Variants in PLCB1 observed in about 807,000 individuals in gnomAD.
PLCB1 encodes phospholipase C beta 1.
A neutral mutation model predicts 161.8 loss-of-function variants in PLCB1; 46 were observed. That is an observed-to-expected ratio of 0.28 (90% CI 0.22 to 0.36). The LOEUF (loss-of-function observed/expected upper bound fraction) is 0.36, where lower values mean the gene tolerates loss of function less well. PLCB1 is among the 10% of genes least tolerant of loss of function. The pLI is 1.00. For synonymous variants in PLCB1, 517 were observed against 503.7 expected (o/e 1.03, Z -0.35); for missense variants, 1,016 against 1,472.5 (o/e 0.69, Z 5.07).
At chr20:8,828,686 A>G (rs2143270) in intron 31 of PLCB1, among the ~76,000 whole-genome samples, 43,979 of 152,122 alleles carry the variant, frequency 0.29, 6,527 homozygotes, top group Middle Eastern at 0.41. Flanking sequence ...GTGTCATGAC[A>G]AAGCACTCTA....
In PLCB1 at chr20:8,744,660, A is replaced by AAAATAAAATAAAATAAAAT. The variant is rs1568582262; in HGVS notation, c.2523+3089_2523+3090insATAAAATAAAATAAAATAA. ...TAAAATAAAATAAAATAAAATAAAA[A>AAAATAAAATAAAATAAAAT]AATAAAATTGTTTGTAAATATTTCC... On this transcript the variant is annotated intron_variant, in intron 23 of 31. Transcript: ENST00000338037. Among the ~76,000 whole-genome samples, 823 of 126,228 alleles carry AAAATAAAATAAAATAAAAT rather than the reference A, an allele frequency of 6.5e-3. 12 individuals carry two copies. The highest frequency in any genetic ancestry group is 0.021 in the African/African-American group (759 of 36,036). The allele number at this position is 126,228 out of a possible 152,430, so 82.8% of individuals were successfully genotyped here.
chr20:8,805,691 T>G (rs748702674), intron 31 of PLCB1, among the ~76,000 whole-genome samples: 1 of 152,226 alleles, frequency 6.6e-6, no homozygotes, highest in Non-Finnish European at 1.5e-5. Flanking sequence ...TCAAAAAGGT[T>G]AATGAACTTT....
At chr20:8,539,456 A>G (rs1985184529) in intron 3 of PLCB1, among the ~76,000 whole-genome samples, 1 of 152,176 alleles carries the variant, frequency 6.6e-6, no homozygotes, top group East Asian at 1.9e-4. Context: ...TTCTATGTGT[A>G]ATCATGATTC....
At chr20:8,832,557 T>A (rs1986064010) in intron 31 of PLCB1, among the ~76,000 whole-genome samples, 1 of 152,186 alleles carries the variant, frequency 6.6e-6, no homozygotes, top group African/African-American at 2.4e-5. Context: ...GATAACATTT[T>A]AAAAATTTGA....
Position 8,821,544 on chromosome 20 carries a change from TA to T in PLCB1, c.3423+31284del, listed in dbSNP as rs1985413721. On this transcript the variant is annotated intron_variant, in intron 31 of 31. Transcript: ENST00000338037. ...ATATATATATATATATATATATATA[TA>T]TATATATATATATTTAAATGACACT... Among the ~76,000 whole-genome samples the T allele has an allele frequency of 9.8e-5, 9 of 91,700 alleles. 1 individual carries two copies. Among genetic ancestry groups the T allele is most frequent in the Non-Finnish European group, 2.0e-4 (9 of 45,956 alleles). The allele number at this position is 91,700 out of a possible 152,430, so 60.2% of individuals were successfully genotyped here.
intron 3 of PLCB1, among the ~76,000 whole-genome samples, chr20:8,589,658 C>T (rs1987093150): frequency 6.9e-6 from 1 of 145,394 alleles, no homozygotes; most frequent in African/African-American, 2.6e-5. Context: ...GCTCTGTCAC[C>T]CAGACTGGAG....
intron 3 of PLCB1, among the ~76,000 whole-genome samples, chr20:8,512,304 T>A (rs1203704115): frequency 1.3e-5 from 2 of 152,170 alleles, no homozygotes; most frequent in Non-Finnish European, 2.9e-5. Context: ...ATACCAAAAC[T>A]CGGGATTTAG....
intron 26 of PLCB1, among the ~76,000 whole-genome samples, chr20:8,769,281 T>C (rs970817620): frequency 6.6e-6 from 1 of 152,118 alleles, no homozygotes; most frequent in Non-Finnish European, 1.5e-5. Flanking sequence ...TAACATTTTA[T>C]TTTTAAAATA....
intron 2 of PLCB1, among the ~76,000 whole-genome samples, chr20:8,347,961 G>A (rs570901121): frequency 1.3e-5 from 2 of 151,004 alleles, no homozygotes; most frequent in South Asian, 4.2e-4. Context: ...GACAGAGCGA[G>A]ACTCCATCTC....
chr20:8,387,161 G>T (rs1449203452), intron 3 of PLCB1, among the ~76,000 whole-genome samples: 1 of 152,136 alleles, frequency 6.6e-6, no homozygotes, highest in Non-Finnish European at 1.5e-5. Context: ...TTCACAACTG[G>T]GCGGCTGACT....
intron 27 of PLCB1, among the ~76,000 whole-genome samples, chr20:8,786,523 A>G (rs1010852115): frequency 6.6e-6 from 1 of 151,986 alleles, no homozygotes; most frequent in Non-Finnish European, 1.5e-5. Context: ...AAGCCATGGA[A>G]CCTTATTTGT....
At chr20:8,674,000 CA>C (rs1375046180) in intron 9 of PLCB1, among the ~76,000 whole-genome samples, 15 of 152,106 alleles carry the variant, frequency 9.9e-5, no homozygotes, top group African/African-American at 3.4e-4. Context: ...CCCCCGGAAG[CA>C]GTCCTCAAAC....
intron 31 of PLCB1, among the ~76,000 whole-genome samples, chr20:8,826,018 G>C (rs574230468): frequency 6.6e-6 from 1 of 152,168 alleles, no homozygotes; most frequent in Non-Finnish European, 1.5e-5. Context: ...GAATGAGGGG[G>C]AGGGAGCCAT....
At chr20:8,604,501 A>G (rs1257538469) in intron 3 of PLCB1, among the ~76,000 whole-genome samples, 1 of 152,130 alleles carries the variant, frequency 6.6e-6, no homozygotes, top group Non-Finnish European at 1.5e-5. Flanking sequence ...CCAAGTAAAC[A>G]TATAAAACAG....
chr20:8,765,558 A>G (rs1982274065), intron 26 of PLCB1, among the ~76,000 whole-genome samples, 200 bp downstream of exon 26: 1 of 152,202 alleles, frequency 6.6e-6, no homozygotes, highest in African/African-American at 2.4e-5. Context: ...TCTGAGAATA[A>G]ATATGCAGGA....
intron 2 of PLCB1, among the ~76,000 whole-genome samples, chr20:8,165,620 T>C (rs937632688): frequency 6.6e-6 from 1 of 152,204 alleles, no homozygotes; most frequent in African/African-American, 2.4e-5. Context: ...TGTTTGGCAT[T>C]TTGAATACAC....
chr20:8,637,447 C>G (rs1472708428), intron 4 of PLCB1, among the ~76,000 whole-genome samples: 1 of 151,932 alleles, frequency 6.6e-6, no homozygotes, highest in Non-Finnish European at 1.5e-5. Context: ...GTCTTAAAGT[C>G]TAAATAGCAA....
At chr20:8,146,096 G>T (rs13041493) in intron 1 of PLCB1, among the ~76,000 whole-genome samples, 10,666 of 101,176 alleles carry the variant, frequency 0.11, 495 homozygotes, top group Non-Finnish European at 0.12. Flanking sequence ...TACTGTTTTT[G>T]TTTTTTTTGT....
chr20:8,298,068 G>T (rs576224275), intron 2 of PLCB1, among the ~76,000 whole-genome samples: 1 of 152,070 alleles, frequency 6.6e-6, no homozygotes, highest in East Asian at 1.9e-4. Context: ...GGCCTAGCAG[G>T]AGGATTGCTT....
Sources: allele counts gnomAD v4.1 joint callset (sites outside exome capture counted in the v4.1 genomes callset), GRCh38; gene constraint gnomAD v4.1.1; transcripts MANE v1.5; gene names NCBI Gene and HGNC (gene_info 2026-07-23, HGNC 2026-07-21).